The following NRXN1 variants were observed in gnomAD, a reference collection of about 807,000 sequenced individuals.
The protein encoded by NRXN1 is neurexin-1.
A neutral mutation model predicts 150.9 loss-of-function variants in NRXN1; 39 were observed. That is an observed-to-expected ratio of 0.26 (90% confidence interval 0.20 to 0.34). The LOEUF is 0.34. Among genes scored for constraint, NRXN1 ranks in the 10% least tolerant of loss-of-function variants. The pLI is 1.00. For synonymous variants in NRXN1, 924 were observed against 757.0 expected (o/e 1.22, Z -3.62); for missense variants, 1,815 against 1,949.9 (o/e 0.93, Z 1.30).
intron 18 of NRXN1, among the ~76,000 whole-genome samples, chr2:50,182,865 T>C (rs1215579713): frequency 2.0e-5 from 3 of 152,098 alleles, no homozygotes; most frequent in South Asian, 4.1e-4. Flanking sequence ...TTATTCATTG[T>C]GGAGAAAAAG....
chr2:49,953,963 T>G (rs1017055897), intron 21 of NRXN1, among the ~76,000 whole-genome samples: 1 of 151,994 alleles, frequency 6.6e-6, no homozygotes, highest in Non-Finnish European at 1.5e-5. Flanking sequence ...CCAAGGCACA[T>G]GTATACCTAT....
intron 5 of NRXN1, among the ~76,000 whole-genome samples, chr2:50,639,516 C>T (rs1388042098): frequency 1.3e-5 from 2 of 151,766 alleles, no homozygotes; most frequent in Admixed American, 6.6e-5. Flanking sequence ...CCACCATGCC[C>T]GGACACTTTT....
At chr2:50,040,269 A>G (rs1000051304) in intron 21 of NRXN1, among the ~76,000 whole-genome samples, 5 of 151,894 alleles carry the variant, frequency 3.3e-5, no homozygotes, top group African/African-American at 1.2e-4. Context: ...ATTCTTGTAA[A>G]TTAATGGAAC....
intron 2 of NRXN1, among the ~76,000 whole-genome samples, chr2:50,934,781 T>C (rs1286180252): frequency 1.3e-5 from 2 of 152,200 alleles, no homozygotes; most frequent in Admixed American, 6.6e-5. Context: ...TTGTGCAATA[T>C]GGAGAACTTT....
intron 5 of NRXN1, among the ~76,000 whole-genome samples, chr2:50,723,676 T>C (rs995225592): frequency 1.3e-5 from 2 of 152,184 alleles, no homozygotes; most frequent in Non-Finnish European, 2.9e-5. Context: ...CATAGATCAG[T>C]ACCTGAGATC....
chr2:50,949,959 C>A (rs182787442), intron 2 of NRXN1, among the ~76,000 whole-genome samples: 28 of 152,198 alleles, frequency 1.8e-4, no homozygotes, highest in African/African-American at 6.5e-4. Flanking sequence ...TTTGTACCAT[C>A]CCCTGGGTAT....
chr2:50,441,990 G>A (rs2085995638), intron 17 of NRXN1, among the ~76,000 whole-genome samples: 1 of 152,124 alleles, frequency 6.6e-6, no homozygotes, highest in Non-Finnish European at 1.5e-5. Context: ...GCATCCACTG[G>A]TAGTTCCTTC....
In NRXN1 at chr2:51,028,137, C is replaced by A; in HGVS notation, c.137G>T (p.Trp46Leu). The A allele has an allele frequency of 6.4e-7, 1 of 1,558,966 alleles. No homozygotes were observed. The part of the protein sequence containing the change: ...AEGQWTRFPK[W>L]NACCESEMSF... ...CATCTCGCTCTCGCAGCAGGCGTTCCACTTGGGGAAGCGCGTCCATTGGCC... is the reference window on the plus strand; with the variant it reads ...CATCTCGCTCTCGCAGCAGGCGTTCAACTTGGGGAAGCGCGTCCATTGGCC... Residue 46 changes from tryptophan (W) to leucine (L), a missense_variant, in exon 2 of 23, where the codon TGG (tryptophan) becomes TTG (leucine). By Grantham distance (61) the Trp-to-Leu change is moderately conservative. This residue lies in a region of NRXN1 where 554 missense variants were observed against 478.8 expected (regional missense o/e 1.16). Coordinates refer to ENST00000401669, the MANE Select transcript of NRXN1 (RefSeq NM_001330078.2).
chr2:50,933,216 C>T (rs1303841156), intron 2 of NRXN1, among the ~76,000 whole-genome samples: 1 of 152,060 alleles, frequency 6.6e-6, no homozygotes, highest in East Asian at 1.9e-4. Flanking sequence ...GAAAAGCACT[C>T]GTTTCATACC....
intron 5 of NRXN1, among the ~76,000 whole-genome samples, chr2:50,787,484 C>T (rs954514273): frequency 6.6e-6 from 1 of 151,588 alleles, no homozygotes; most frequent in Non-Finnish European, 1.5e-5. Flanking sequence ...ATCGCTTGAA[C>T]CCAGGAGGTA....
chr2:50,683,476 C>CA (rs1247645691), intron 5 of NRXN1, among the ~76,000 whole-genome samples: 1 of 147,786 alleles, frequency 6.8e-6, no homozygotes, highest in East Asian at 2.0e-4. Context: ...ACTAAAAATA[C>CA]AAAAAATTAG....
At chr2:50,859,794 ATAT>A (rs1038254189) in intron 5 of NRXN1, among the ~76,000 whole-genome samples, 17 of 150,910 alleles carry the variant, frequency 1.1e-4, no homozygotes, top group Non-Finnish European at 1.9e-4. Flanking sequence ...ACACACGCAC[ATAT>A]TATATACACA....
chr2:50,578,749 A>T (rs1339231548), intron 8 of NRXN1, among the ~76,000 whole-genome samples: 1 of 152,004 alleles, frequency 6.6e-6, no homozygotes, highest in Non-Finnish European at 1.5e-5. Flanking sequence ...TTTATATTCT[A>T]GATCTAGATA....
chr2:50,421,058 T>C (rs2083955265), intron 17 of NRXN1, among the ~76,000 whole-genome samples: 1 of 151,348 alleles, frequency 6.6e-6, no homozygotes, highest in Admixed American at 6.6e-5. Context: ...CATATTCTTA[T>C]TCATATATCT....
At chr2:50,503,070 G>C (rs910381395) in intron 13 of NRXN1, among the ~76,000 whole-genome samples, 1 of 152,118 alleles carries the variant, frequency 6.6e-6, no homozygotes. Flanking sequence ...TACTTTGGGA[G>C]GCCAATATGG....
intron 5 of NRXN1, among the ~76,000 whole-genome samples, chr2:50,672,578 T>G (rs1689012329): frequency 6.6e-6 from 1 of 151,954 alleles, no homozygotes. Context: ...ACTCTGATGT[T>G]ATGGTCCTCC....
chr2:50,126,029 G>T (rs768045556), intron 18 of NRXN1, among the ~76,000 whole-genome samples: 1 of 152,070 alleles, frequency 6.6e-6, no homozygotes, highest in Non-Finnish European at 1.5e-5. Flanking sequence ...GGAACAGAAC[G>T]AAGCAGAACA....
At chr2:50,221,896 A>G (rs1057148314) in intron 18 of NRXN1, among the ~76,000 whole-genome samples, 3 of 152,012 alleles carry the variant, frequency 2.0e-5, no homozygotes, top group Non-Finnish European at 4.4e-5. Context: ...AACACTTTAT[A>G]GCAGAATACA....
intron 12 of NRXN1, among the ~76,000 whole-genome samples, chr2:50,513,036 G>T (rs995986592): frequency 1.3e-5 from 2 of 152,134 alleles, no homozygotes; most frequent in African/African-American, 2.4e-5. Flanking sequence ...GCATTTTCTG[G>T]TTGCTTAGGC....
Sources: gnomAD v4.1 joint callset for allele counts (sites outside exome capture counted in the v4.1 genomes callset) on GRCh38, gnomAD v4.1.1 for gene constraint, gnomAD v4.1.1 regional missense constraint, MANE v1.5 for transcripts, NCBI Gene and HGNC (gene_info 2026-07-23, HGNC 2026-07-21) for gene names.